Variants in IGF2BP3 observed in about 807,000 individuals in gnomAD.
IGF2BP3 encodes the protein insulin like growth factor 2 mRNA binding protein 3.
A neutral mutation model predicts 73.8 loss-of-function variants in IGF2BP3; 9 were observed. That is an observed-to-expected ratio of 0.12 (90% CI 0.07 to 0.21). The LOEUF (loss-of-function observed/expected upper bound fraction) is 0.21, where lower values mean the gene tolerates loss of function less well. Among genes scored for constraint, IGF2BP3 ranks in the 10% least tolerant of loss-of-function variants. IGF2BP3 has a pLI of 1.00. For synonymous variants in IGF2BP3, 258 were observed against 256.7 expected, an observed-to-expected ratio of 1.01 and a Z score of -0.05; for missense variants, 542 against 714.0, an observed-to-expected ratio of 0.76 and a Z score of 2.75.
At chr7:23,374,198 T>C (rs1785647472) in intron 3 of IGF2BP3, among the ~76,000 whole-genome samples, 1 of 152,134 alleles carries the variant, frequency 6.6e-6, no homozygotes, top group Non-Finnish European at 1.5e-5. Flanking sequence ...TTATTCAAAA[T>C]AGCCAATAAT....
chr7:23,333,286 TA>T (rs1784487568), intron 10 of IGF2BP3, among the ~76,000 whole-genome samples: 1 of 152,214 alleles, frequency 6.6e-6, no homozygotes, highest in African/African-American at 2.4e-5. Flanking sequence ...TTCATTTACT[TA>T]TTAAAAAATG....
chr7:23,351,728 C>A, intron 5 of IGF2BP3, 142 bp from the exon 6 acceptor site: 1 of 795,050 alleles, frequency 1.3e-6, no homozygotes, highest in Admixed American at 2.7e-5. Context: ...AGCAAACCCG[C>A]AACACACATA....
intron 2 of IGF2BP3, among the ~76,000 whole-genome samples, chr7:23,420,735 A>T (rs1158610588): frequency 6.6e-6 from 1 of 152,216 alleles, no homozygotes; most frequent in Non-Finnish European, 1.5e-5. Flanking sequence ...ACTCAGGTAC[A>T]TCCTGTCTAC....
chr7:23,384,846 G>GT (rs1048870196), intron 3 of IGF2BP3, among the ~76,000 whole-genome samples: 10 of 152,198 alleles, frequency 6.6e-5, no homozygotes, highest in Admixed American at 5.2e-4. Flanking sequence ...AGCCAGGATC[G>GT]TAACACTGTA....
intron 5 of IGF2BP3, among the ~76,000 whole-genome samples, chr7:23,355,185 T>A (rs1049374829): frequency 6.6e-6 from 1 of 152,068 alleles, no homozygotes; most frequent in East Asian, 1.9e-4. Context: ...TTATCCAACA[T>A]GTATATTACT....
chr7:23,329,532 CA>C (rs935677064), intron 10 of IGF2BP3, among the ~76,000 whole-genome samples: 1 of 152,208 alleles, frequency 6.6e-6, no homozygotes, highest in Non-Finnish European at 1.5e-5. Context: ...ATTAAATTCC[CA>C]TACAAAAAGG....
chr7:23,340,241 A>T (rs938394605), intron 10 of IGF2BP3, among the ~76,000 whole-genome samples: 1 of 151,816 alleles, frequency 6.6e-6, no homozygotes, highest in Non-Finnish European at 1.5e-5. Context: ...TGTAGCTGAA[A>T]TTTTGATGGC....
intron 2 of IGF2BP3, among the ~76,000 whole-genome samples, chr7:23,448,401 C>A (rs945581290): frequency 6.6e-6 from 1 of 152,062 alleles, no homozygotes; most frequent in Non-Finnish European, 1.5e-5. Context: ...TTATTCTAAA[C>A]ACTTATCTTT....
At chr7:23,407,264 T>A in intron 3 of IGF2BP3, among the ~76,000 whole-genome samples, 1 of 138,136 alleles carries the variant, frequency 7.2e-6, no homozygotes, top group Non-Finnish European at 1.6e-5. Flanking sequence ...CAAGATGAAA[T>A]AACCTGAAGA....
At chr7:23,406,104 G>A (rs1406184158) in intron 3 of IGF2BP3, among the ~76,000 whole-genome samples, 2 of 151,014 alleles carry the variant, frequency 1.3e-5, no homozygotes, top group East Asian at 1.9e-4. Context: ...TGTCTTCTAC[G>A]AAACCAGTCC....
chr7:23,435,999 C>CA (rs1471005480), intron 2 of IGF2BP3, among the ~76,000 whole-genome samples: 4 of 152,280 alleles, frequency 2.6e-5, no homozygotes, highest in African/African-American at 9.6e-5. Flanking sequence ...GCAAGTGATC[C>CA]ACCTGCCTCG....
At chr7:23,343,881 A>C (rs760164039) in intron 8 of IGF2BP3, 28 bp from the exon 9 acceptor site, 1 of 1,601,112 alleles carries the variant, frequency 6.2e-7, no homozygotes, top group Non-Finnish European at 8.5e-7. Context: ...AGGGAAAGAA[A>C]AAGAATGAAA....
chr7:23,440,091 G>A (rs933255609), intron 2 of IGF2BP3, among the ~76,000 whole-genome samples: 8 of 151,970 alleles, frequency 5.3e-5, no homozygotes, highest in East Asian at 1.9e-4. Flanking sequence ...GTGAAACCCC[G>A]TCTCTACTAA....
chr7:23,321,572 C>T (rs1784152424), intron 10 of IGF2BP3, among the ~76,000 whole-genome samples: 2 of 152,244 alleles, frequency 1.3e-5, no homozygotes, highest in African/African-American at 4.8e-5. Flanking sequence ...GAGCCCACCA[C>T]AGCTCAAGGA....
intron 2 of IGF2BP3, among the ~76,000 whole-genome samples, chr7:23,443,590 G>A (rs1392188932): frequency 6.6e-6 from 1 of 152,074 alleles, no homozygotes; most frequent in Non-Finnish European, 1.5e-5. Flanking sequence ...GGAATCTCTT[G>A]AACCTGGAAG....
At chr7:23,379,924 C>A (rs969037810) in intron 3 of IGF2BP3, among the ~76,000 whole-genome samples, 44 of 152,128 alleles carry the variant, frequency 2.9e-4, no homozygotes, top group Non-Finnish European at 2.6e-4. Context: ...CGAGTGAAGT[C>A]TTACACAGGT....
chr7:23,369,106 T>C (rs985969387), intron 3 of IGF2BP3, among the ~76,000 whole-genome samples: 1 of 152,170 alleles, frequency 6.6e-6, no homozygotes, highest in Non-Finnish European at 1.5e-5. Flanking sequence ...AGAACCGGCC[T>C]AGTCTGGTTC....
intron 5 of IGF2BP3, among the ~76,000 whole-genome samples, chr7:23,354,446 G>C (rs1031903519): frequency 6.6e-6 from 1 of 152,214 alleles, no homozygotes; most frequent in Non-Finnish European, 1.5e-5. Flanking sequence ...CTTCAGAAGA[G>C]AGTAAGTATA....
chr7:23,348,005 T>C (rs1479322736), intron 6 of IGF2BP3, among the ~76,000 whole-genome samples: 1 of 152,222 alleles, frequency 6.6e-6, no homozygotes, highest in African/African-American at 2.4e-5. Flanking sequence ...ACAGCTTCCT[T>C]TCAGATGCCA....
Sources: allele counts gnomAD v4.1 joint callset (sites outside exome capture counted in the v4.1 genomes callset), GRCh38; gene constraint gnomAD v4.1.1; transcripts MANE v1.5; gene names NCBI Gene and HGNC (gene_info 2026-07-23, HGNC 2026-07-21).